The following RTCB variants were observed in gnomAD, a reference collection of about 807,000 sequenced individuals.
RTCB encodes RNA 2',3'-cyclic phosphate and 5'-OH ligase, also known as RNA-splicing ligase RTCB.
Under a neutral mutation model 58.2 loss-of-function variants are expected in RTCB, and 32 were observed. The ratio of observed to expected loss-of-function variants is 0.55; its 90% CI spans 0.41 to 0.74. The LOEUF (loss-of-function observed/expected upper bound fraction) is 0.74, where lower values mean the gene tolerates loss of function less well. Among genes scored for constraint, RTCB ranks in the 30% least tolerant of loss-of-function variants. RTCB has a pLI of 0.00. For synonymous variants in RTCB, 247 were observed against 218.6 expected (o/e 1.13, Z -1.15); for missense variants, 523 against 639.0 (o/e 0.82, Z 1.96).
Position 32,401,886 on chromosome 22 carries a change from T to C in RTCB, c.358A>G (p.Ile120Val), listed in dbSNP as rs777564270. 3.1e-6 allele frequency: 5 copies of C among 1,613,970 alleles called. No individual in the cohort carries two copies. Among genetic ancestry groups the C allele is most frequent in the East Asian group, 4.5e-5 (2 of 44,894 alleles). The change falls in exon 5 of 12, where the codon ATC becomes GTC. Residue 120 changes from isoleucine (I) to valine (V), a missense_variant. This residue lies in a region of RTCB where 141 missense variants were observed against 216.7 expected (regional missense o/e 0.65). Transcript: ENST00000216038. ...CTTAGCAAGCGGACACCACAGTTGA[T>C]GTCAAACCCGACACCACCTACAAAA... ...VVSPGGVGFD[I>V]NCGVRLLRTN...
At chr22:32,395,254 A>C (rs1933226721) in intron 8 of RTCB, 40 bp from the exon 9 acceptor site, 1 of 1,570,276 alleles carries the variant, frequency 6.4e-7, no homozygotes, top group Non-Finnish European at 8.7e-7. Context: ...CCAGAACTTC[A>C]GGACTTATGT....
chr22:32,400,144 C>G (rs1386460336), intron 5 of RTCB, among the ~76,000 whole-genome samples: 3 of 152,166 alleles, frequency 2.0e-5, no homozygotes. Context: ...CCTTAATCAG[C>G]TATCACTCTC....
chr22:32,394,948 G>A (rs777073249), intron 9 of RTCB, 78 bp downstream of exon 9: 39 of 1,282,100 alleles, frequency 3.0e-5, no homozygotes, highest in South Asian at 4.2e-5. Context: ...GCTGCTTTTC[G>A]TTTTAAATGT....
In RTCB at chr22:32,399,595, T is replaced by A. The variant is rs753077126; in HGVS notation, c.654+8A>T. 1.2e-6 allele frequency: 2 copies of A among 1,604,064 alleles called. No homozygotes were observed. The highest frequency in any genetic ancestry group is 2.2e-5 in the South Asian group (2 of 89,440). On this transcript the variant is annotated splice_region_variant and intron_variant, in intron 6 of 11. Transcript: ENST00000216038. Reference sequence around the variant, plus strand: ...AAATTAACATGTTGCCCCTCCAAAGTGAGTTACCTGAGGAAGGCCTCTTTT... The same window carrying A: ...AAATTAACATGTTGCCCCTCCAAAGAGAGTTACCTGAGGAAGGCCTCTTTT...
At position 32,412,211 on chromosome 22, in the gene RTCB, C is replaced by G. The variant is rs1290958304; in HGVS notation, c.-55G>C. The G allele has an allele frequency of 1.4e-6, 2 of 1,439,586 alleles. No individual in the cohort carries two copies. Among genetic ancestry groups the G allele is most frequent in the Non-Finnish European group, 1.9e-6 (2 of 1,047,266 alleles). 89.2% of individuals were successfully genotyped at this position (1,439,586 alleles called of 1,614,324 possible). On this transcript the variant is annotated 5_prime_UTR_variant, in exon 1 of 12. Transcript: ENST00000216038. ...GCTCCGCTTTGAAGAGCCGCTGCCG[C>G]GTAGTCCGGCTTCTCAGAGCACCGC...
At position 32,401,912 on chromosome 22, in the gene RTCB, T is replaced by C. The variant is rs1933341924; in HGVS notation, c.341-9A>G. 5.6e-6 allele frequency: 9 copies of C among 1,612,280 alleles called. No homozygotes were observed. The East Asian group carries it at 1.3e-4, about 24-fold the overall frequency. On this transcript the variant is annotated splice_polypyrimidine_tract_variant and intron_variant, in intron 4 of 11. Transcript: ENST00000216038. Reference sequence around the variant, plus strand: ...GTCAAACCCGACACCACCTACAAAATAGAGAAAAGTTAGCAAAACCAGCTG... The same window carrying C: ...GTCAAACCCGACACCACCTACAAAACAGAGAAAAGTTAGCAAAACCAGCTG...
At chr22:32,402,595 G>A (rs966205787) in intron 4 of RTCB, among the ~76,000 whole-genome samples, 2 of 131,564 alleles carry the variant, frequency 1.5e-5, no homozygotes, top group Admixed American at 8.1e-5. Context: ...GATTACAGGC[G>A]TGCGCCACCA....
chr22:32,397,308 C>G (rs1249882308), intron 7 of RTCB, among the ~76,000 whole-genome samples: 1 of 151,566 alleles, frequency 6.6e-6, no homozygotes, highest in African/African-American at 2.4e-5. Flanking sequence ...GTTCATGCTG[C>G]CTTTGTCACC....
At chr22:32,402,214 G>C (rs1228597927) in intron 4 of RTCB, among the ~76,000 whole-genome samples, 1 of 152,078 alleles carries the variant, frequency 6.6e-6, no homozygotes, top group Non-Finnish European at 1.5e-5. Flanking sequence ...AATTTTTTCA[G>C]TCTTTTCAAA....
chr22:32,411,267 CTATT>C (rs1019851440), intron 1 of RTCB, among the ~76,000 whole-genome samples: 2 of 152,156 alleles, frequency 1.3e-5, no homozygotes, highest in African/African-American at 4.8e-5. Context: ...ATTTCAAAAA[CTATT>C]TAAAAATACG....
At chr22:32,404,869 A>T (rs1397361114) in intron 4 of RTCB, among the ~76,000 whole-genome samples, 2 of 149,052 alleles carry the variant, frequency 1.3e-5, no homozygotes, top group Non-Finnish European at 3.0e-5. Flanking sequence ...TTTTTTTTTT[A>T]GAGACGGGGT....
rs1239915689 is a variant in RTCB, at chr22:32,408,751, T to C, written c.172+4A>G. On this transcript the variant is annotated splice_donor_region_variant and intron_variant, in intron 2 of 11. Transcript: ENST00000216038. ...TAACACAAGTGAAACTCTAATGTAC[T>C]TACCACCACCTCGACAGGCATTCCT... 2 of 1,610,170 alleles carry C rather than the reference T, an allele frequency of 1.2e-6. No homozygotes were observed. The highest frequency in any genetic ancestry group is 8.5e-7 in the Non-Finnish European group (1 of 1,176,520).
chr22:32,394,864 G>A (rs377601105), intron 9 of RTCB, among the ~76,000 whole-genome samples, 162 bp downstream of exon 9: 10 of 152,306 alleles, frequency 6.6e-5, no homozygotes, highest in South Asian at 6.2e-4. Context: ...AATGATGGGG[G>A]AAGGAGTTAC....
Position 32,401,964 on chromosome 22 carries a change from C to T in RTCB, c.341-61G>A, listed in dbSNP as rs573066733. The T allele has an allele frequency of 3.2e-5, 49 of 1,526,312 alleles. No individual in the cohort carries two copies. In the African/African-American group the frequency reaches 4.9e-4, roughly 15 times the overall value. The allele number at this position is 1,526,312 out of a possible 1,614,324, so 94.5% of individuals were successfully genotyped here. ...TAAGGCACTGTTACCTGCAGTTTCT[C>T]GCCATTAATATGGAACTATAAAGAT... On this transcript the variant is annotated intron_variant, in intron 4 of 11. Coordinates refer to ENST00000216038, the MANE Select transcript of RTCB (RefSeq NM_014306.5).
chr22:32,391,594 T>C (rs1459415048), intron 11 of RTCB, among the ~76,000 whole-genome samples: 1 of 152,060 alleles, frequency 6.6e-6, no homozygotes, highest in Non-Finnish European at 1.5e-5. Flanking sequence ...TTTCACCATG[T>C]TGATCAGGCT....
intron 10 of RTCB, among the ~76,000 whole-genome samples, chr22:32,392,915 G>A (rs1331109458): frequency 5.3e-5 from 8 of 152,152 alleles, no homozygotes; most frequent in Admixed American, 3.9e-4. Context: ...GCCAAATATG[G>A]CCCACCACCT....
At chr22:32,398,332 C>A (rs1933279696) in intron 6 of RTCB, among the ~76,000 whole-genome samples, 1 of 152,046 alleles carries the variant, frequency 6.6e-6, no homozygotes, top group Admixed American at 6.6e-5. Context: ...TTGGTATACA[C>A]ATATAAAAAA....
chr22:32,399,246 C>T (rs1361921851), intron 6 of RTCB, among the ~76,000 whole-genome samples: 1 of 152,068 alleles, frequency 6.6e-6, no homozygotes, highest in Admixed American at 6.6e-5. Flanking sequence ...AAGCAGTCCT[C>T]CTGTCTTAGC....
chr22:32,408,574 G>A (rs563713442), intron 2 of RTCB, among the ~76,000 whole-genome samples, 181 bp downstream of exon 2: 23 of 152,292 alleles, frequency 1.5e-4, no homozygotes, highest in African/African-American at 5.3e-4. Flanking sequence ...CTTCAAATCC[G>A]TTCTATAACG....
Sources: gnomAD v4.1 joint callset for allele counts (sites outside exome capture counted in the v4.1 genomes callset) on GRCh38, gnomAD v4.1.1 for gene constraint, gnomAD v4.1.1 regional missense constraint, MANE v1.5 for transcripts, NCBI Gene and HGNC (gene_info 2026-07-23, HGNC 2026-07-21) for gene names.